The following TRABD2B variants were observed in gnomAD, a reference collection of about 807,000 sequenced individuals.
TRABD2B encodes metalloprotease TIKI2.
TRABD2B carries 14 observed loss-of-function variants against 40.1 expected under a neutral mutation model. That is an observed-to-expected ratio of 0.35 (90% CI 0.23 to 0.55). The LOEUF is 0.55. TRABD2B is among the 20% of genes least tolerant of loss of function. The pLI, the probability that TRABD2B is intolerant of heterozygous loss-of-function variation, is 0.90. For synonymous variants in TRABD2B, 263 were observed against 277.0 expected, an observed-to-expected ratio of 0.95 and a Z score of 0.50; for missense variants, 541 against 648.6, an observed-to-expected ratio of 0.83 and a Z score of 1.80.
intron 2 of TRABD2B, among the ~76,000 whole-genome samples, chr1:47,812,658 G>T (rs1281563304): frequency 2.0e-5 from 3 of 152,250 alleles, no homozygotes; most frequent in Admixed American, 6.5e-5. Flanking sequence ...GTTCAAGGCT[G>T]CAGTGAGCTA....
intron 2 of TRABD2B, among the ~76,000 whole-genome samples, chr1:47,909,790 C>T (rs1644734833): frequency 0.012 from 3 of 256 alleles, 1 homozygote; most frequent in Admixed American, 0.065. Flanking sequence ...CCCTCCCCAT[C>T]CCCCCCCCCC....
chr1:47,833,544 CT>C (rs1645278089), intron 2 of TRABD2B, among the ~76,000 whole-genome samples: 1 of 152,212 alleles, frequency 6.6e-6, no homozygotes. Context: ...GAACACATGC[CT>C]AGTCCTTCCC....
chr1:47,977,350 G>A (rs1207998060), intron 2 of TRABD2B, among the ~76,000 whole-genome samples: 3 of 152,150 alleles, frequency 2.0e-5, no homozygotes, highest in African/African-American at 7.2e-5. Flanking sequence ...GGAATAACAG[G>A]TGTGAGCCAC....
chr1:47,816,873 G>A (rs528655474), intron 2 of TRABD2B, among the ~76,000 whole-genome samples: 1 of 152,234 alleles, frequency 6.6e-6, no homozygotes, highest in South Asian at 2.1e-4. Context: ...GAGGCACAGA[G>A]AGGTTAAGTG....
chr1:47,923,851 A>T (rs1436088723), intron 2 of TRABD2B, among the ~76,000 whole-genome samples: 1 of 151,122 alleles, frequency 6.6e-6, no homozygotes, highest in African/African-American at 2.4e-5. Context: ...TGCACCTTTA[A>T]AATCTTGTAA....
chr1:47,892,048 G>A (rs1015608931), intron 2 of TRABD2B, among the ~76,000 whole-genome samples: 1 of 152,214 alleles, frequency 6.6e-6, no homozygotes, highest in South Asian at 2.1e-4. Context: ...TTGAAGGATG[G>A]CTCCAGGCTC....
At chr1:47,915,245 G>A (rs1644815208) in intron 2 of TRABD2B, among the ~76,000 whole-genome samples, 1 of 152,196 alleles carries the variant, frequency 6.6e-6, no homozygotes, top group African/African-American at 2.4e-5. Context: ...ACCTATGCAG[G>A]AGACTAGAAG....
chr1:47,775,926 TG>T (rs1237274452), intron 5 of TRABD2B, among the ~76,000 whole-genome samples: 1 of 152,050 alleles, frequency 6.6e-6, no homozygotes, highest in Non-Finnish European at 1.5e-5. Context: ...GAGCGAGCCC[TG>T]GGTACGTCTC....
At chr1:47,851,047 T>C (rs1645543716) in intron 2 of TRABD2B, among the ~76,000 whole-genome samples, 1 of 152,054 alleles carries the variant, frequency 6.6e-6, no homozygotes, top group Admixed American at 6.5e-5. Flanking sequence ...GCTCACCTCC[T>C]GCTGTGTGGC....
rs1005451380 is a variant in TRABD2B, at chr1:47,766,040, G to T, written c.1416C>A (p.Pro472=). ...GTTGTAGCTGGTCTGAAAGCTGGAA[G>T]GGGGGCTTGGCGGTCCCCGAGCTGT... is the stretch of plus-strand genomic sequence containing the variant. ...PTHSSGTAKP[P]FQLSDQLQQQ... is the part of the protein sequence containing the mutation. Residue 472 remains proline, a synonymous_variant, in exon 7 of 7, where the codon CCC becomes CCA. Transcript: ENST00000606738. 8 of 695,660 alleles carry T rather than the reference G, an allele frequency of 1.1e-5. No individual in the cohort carries two copies. In the Admixed American group the frequency reaches 1.2e-4, roughly 11 times the overall value. 43.1% of individuals were successfully genotyped at this position (695,660 alleles called of 1,614,324 possible). A position where few individuals can be genotyped will look rare whatever the true frequency, so the allele number is the denominator to read the frequency against.
chr1:47,993,275 C>T (rs748161513), intron 2 of TRABD2B, among the ~76,000 whole-genome samples: 6 of 152,150 alleles, frequency 3.9e-5, no homozygotes, highest in Non-Finnish European at 5.9e-5. Flanking sequence ...TAGCAAGTGA[C>T]CTCTGCCCAT....
intron 2 of TRABD2B, among the ~76,000 whole-genome samples, chr1:47,910,715 C>G (rs1383212923): frequency 6.6e-6 from 1 of 152,238 alleles, no homozygotes; most frequent in African/African-American, 2.4e-5. Flanking sequence ...GAGCCTGTGT[C>G]TTCCTCTATA....
intron 6 of TRABD2B, among the ~76,000 whole-genome samples, chr1:47,768,866 C>T (rs528777837): frequency 3.3e-5 from 5 of 152,344 alleles, no homozygotes; most frequent in African/African-American, 1.2e-4. Context: ...TATTATTATT[C>T]CCCTTTCTAA....
chr1:47,865,689 G>A (rs1363880513), intron 2 of TRABD2B, among the ~76,000 whole-genome samples: 2 of 152,072 alleles, frequency 1.3e-5, no homozygotes, highest in African/African-American at 4.8e-5. Context: ...TAAAATAAAG[G>A]GTTTAGACCT....
intron 2 of TRABD2B, among the ~76,000 whole-genome samples, chr1:47,987,199 TG>T (rs1163023377): frequency 6.6e-6 from 1 of 152,054 alleles, no homozygotes; most frequent in Non-Finnish European, 1.5e-5. Flanking sequence ...GAGAGCGGGT[TG>T]GGGGAAGATC....
At chr1:47,955,348 C>G (rs1265838248) in intron 2 of TRABD2B, among the ~76,000 whole-genome samples, 1 of 152,190 alleles carries the variant, frequency 6.6e-6, no homozygotes, top group Non-Finnish European at 1.5e-5. Context: ...TGTTACTGAT[C>G]CAGTTGTCTA....
intron 2 of TRABD2B, among the ~76,000 whole-genome samples, chr1:47,909,050 G>A (rs989023826): frequency 3.9e-5 from 6 of 152,262 alleles, no homozygotes; most frequent in Non-Finnish European, 8.8e-5. Flanking sequence ...TTCCAGGCCA[G>A]CCTCCTGAGT....
chr1:47,871,834 C>A (rs1433577544), intron 2 of TRABD2B, among the ~76,000 whole-genome samples: 3 of 152,176 alleles, frequency 2.0e-5, no homozygotes, highest in Non-Finnish European at 4.4e-5. Context: ...CTCTCTACAC[C>A]AGCAACATGG....
At chr1:47,987,535 C>G (rs1406918597) in intron 2 of TRABD2B, among the ~76,000 whole-genome samples, 1 of 152,176 alleles carries the variant, frequency 6.6e-6, no homozygotes, top group Non-Finnish European at 1.5e-5. Flanking sequence ...TAGGACCTCA[C>G]TCTCCTCTGA....
Sources: gnomAD v4.1 joint callset for allele counts (sites outside exome capture counted in the v4.1 genomes callset) on GRCh38, gnomAD v4.1.1 for gene constraint, MANE v1.5 for transcripts, NCBI Gene and HGNC (gene_info 2026-07-23, HGNC 2026-07-21) for gene names.